GRID1: variants seen among roughly 807,000 people sequenced by gnomAD.
GRID1 encodes the protein glutamate receptor ionotropic, delta-1.
A neutral mutation model predicts 98.0 loss-of-function variants in GRID1; 28 were observed. That is an observed-to-expected ratio of 0.29 (90% CI 0.21 to 0.39). GRID1 has a LOEUF of 0.39. Among genes scored for constraint, GRID1 ranks in the 10% least tolerant of loss-of-function variants. The pLI is 1.00. For synonymous variants in GRID1, 553 were observed against 538.5 expected, an observed-to-expected ratio of 1.03 and a Z score of -0.37; for missense variants, 1,111 against 1,340.5, an observed-to-expected ratio of 0.83 and a Z score of 2.67.
intron 12 of GRID1, among the ~76,000 whole-genome samples, chr10:85,681,783 C>T (rs1003748418): frequency 2.6e-5 from 4 of 152,094 alleles, no homozygotes; most frequent in African/African-American, 9.7e-5. Flanking sequence ...GCAAGCTGCC[C>T]GATGGAGGGT....
chr10:86,127,275 G>A (rs1191899444), intron 4 of GRID1, among the ~76,000 whole-genome samples: 1 of 152,182 alleles, frequency 6.6e-6, no homozygotes, highest in Non-Finnish European at 1.5e-5. Context: ...AAGAGGTCCA[G>A]GGATGGAGCC....
intron 4 of GRID1, among the ~76,000 whole-genome samples, chr10:85,943,078 A>G (rs1437195547): frequency 6.6e-6 from 1 of 152,202 alleles, no homozygotes; most frequent in East Asian, 1.9e-4. Flanking sequence ...CAATTTTTCA[A>G]TATTTAATGC....
rs1464074675 is a variant in GRID1, at chr10:86,206,832, C to T, written c.236-184G>A. ...TCATAAGCACAGCCTCACTGACATC[C>T]TTGGTGAAAATGCCAGCTATACATT... On this transcript the variant is annotated intron_variant, in intron 2 of 15. Transcript: ENST00000327946. This position sits in a 1 kb window ranked among gnomAD's most constrained non-coding sequence, Gnocchi z 4.1. Among the ~76,000 whole-genome samples the T allele has an allele frequency of 6.6e-6, 1 of 152,206 alleles. No individual in the cohort carries two copies. The highest frequency in any genetic ancestry group is 1.5e-5 in the Non-Finnish European group (1 of 68,030).
intron 4 of GRID1, among the ~76,000 whole-genome samples, chr10:85,993,403 G>A (rs1842705343): frequency 6.6e-6 from 1 of 152,246 alleles, no homozygotes; most frequent in African/African-American, 2.4e-5. Flanking sequence ...CACAGTGCAA[G>A]GGTCACTTGT....
intron 8 of GRID1, among the ~76,000 whole-genome samples, chr10:85,812,884 A>G (rs1039465307): frequency 2.0e-5 from 3 of 151,834 alleles, no homozygotes; most frequent in Admixed American, 1.3e-4. Flanking sequence ...ATATGTGTGT[A>G]TATATATATT....
intron 5 of GRID1, among the ~76,000 whole-genome samples, chr10:85,890,444 G>C (rs1841183918): frequency 6.6e-6 from 1 of 152,028 alleles, no homozygotes. Flanking sequence ...TTTAAAAAAA[G>C]AAAATGGGTT....
chr10:85,703,763 G>A (rs186143332), intron 12 of GRID1, among the ~76,000 whole-genome samples: 1 of 152,012 alleles, frequency 6.6e-6, no homozygotes, highest in Non-Finnish European at 1.5e-5. Flanking sequence ...AAGTGGACAT[G>A]AGAAAAATAA....
chr10:85,944,607 G>T (rs555086107), intron 4 of GRID1, among the ~76,000 whole-genome samples: 2 of 152,118 alleles, frequency 1.3e-5, no homozygotes, highest in African/African-American at 4.8e-5. Context: ...TGGCTGTATT[G>T]GGGGAGGAGG....
intron 14 of GRID1, among the ~76,000 whole-genome samples, chr10:85,616,050 A>G (rs1474194570): frequency 6.6e-6 from 1 of 152,200 alleles, no homozygotes; most frequent in South Asian, 2.1e-4. Flanking sequence ...AGAAGAGGGA[A>G]CACATACAGA....
intron 2 of GRID1, among the ~76,000 whole-genome samples, chr10:86,310,194 G>GC (rs2132087712): frequency 1.3e-5 from 2 of 152,192 alleles, no homozygotes; most frequent in East Asian, 3.9e-4. Flanking sequence ...TACCTTCCTG[G>GC]CCCCATCCCC....
At chr10:85,974,480 C>T (rs1397816158) in intron 4 of GRID1, among the ~76,000 whole-genome samples, 2 of 152,082 alleles carry the variant, frequency 1.3e-5, no homozygotes, top group African/African-American at 4.8e-5. Context: ...CTGCCATTGA[C>T]CTTTTGAATC....
intron 2 of GRID1, among the ~76,000 whole-genome samples, chr10:86,264,478 G>GC (rs1464686417): frequency 1.3e-5 from 2 of 152,242 alleles, no homozygotes; most frequent in African/African-American, 4.8e-5. Context: ...AAGCAGTTTT[G>GC]CCCAGCTCAG....
Position 85,599,802 on chromosome 10 carries a change from A to AAAAAAAATATATATATAT in GRID1, c.*2470_*2471insATATATATATATTTTTTT. On this transcript the variant is annotated 3_prime_UTR_variant, in exon 16 of 16. Coordinates refer to ENST00000327946, the MANE Select transcript of GRID1 (RefSeq NM_017551.3). ...GTAGAAAATTCTAAAAAAAAAAAAA[A>AAAAAAAATATATATATAT]ATATATATATATATATATAAACATG... 1.5e-5 allele frequency: 1 copy of AAAAAAAATATATATATAT among 64,984 alleles called. No individual in the cohort carries two copies. Among genetic ancestry groups the AAAAAAAATATATATATAT allele is most frequent in the African/African-American group, 9.3e-5 (1 of 10,732 alleles). 4.0% of individuals were successfully genotyped at this position (64,984 alleles called of 1,614,324 possible).
At chr10:85,612,561 G>A (rs1218358307) in intron 15 of GRID1, among the ~76,000 whole-genome samples, 3 of 151,992 alleles carry the variant, frequency 2.0e-5, no homozygotes. Context: ...TCTAAGCAGA[G>A]CTGTGGTTCT....
At chr10:85,852,456 G>A (rs926401448) in intron 8 of GRID1, among the ~76,000 whole-genome samples, 58 of 152,106 alleles carry the variant, frequency 3.8e-4, no homozygotes, top group African/African-American at 1.4e-3. Context: ...CCAGCCTGGC[G>A]CCAGGCACAG....
At chr10:86,330,312 C>T (rs1282036892) in intron 2 of GRID1, among the ~76,000 whole-genome samples, 1 of 152,174 alleles carries the variant, frequency 6.6e-6, no homozygotes, top group Non-Finnish European at 1.5e-5. Context: ...CCTCAAGCTC[C>T]TCAGGCAGGC....
intron 13 of GRID1, among the ~76,000 whole-genome samples, chr10:85,621,487 A>G (rs1842859537): frequency 6.6e-6 from 1 of 152,152 alleles, no homozygotes; most frequent in South Asian, 2.1e-4. Flanking sequence ...CTCATGGCCC[A>G]AGACAGCTTA....
intron 4 of GRID1, among the ~76,000 whole-genome samples, chr10:86,044,382 C>T (rs143503361): frequency 1.3e-5 from 2 of 152,336 alleles, no homozygotes; most frequent in East Asian, 3.9e-4. Flanking sequence ...GACTTTACCT[C>T]GGTTACATTT....
At chr10:85,970,765 G>C (rs1207251016) in intron 4 of GRID1, among the ~76,000 whole-genome samples, 2 of 151,972 alleles carry the variant, frequency 1.3e-5, no homozygotes, top group Non-Finnish European at 2.9e-5. Flanking sequence ...CTAAGACAAG[G>C]AACAAGACAA....
Sources: gnomAD v4.1 joint callset for allele counts (sites outside exome capture counted in the v4.1 genomes callset) on GRCh38, gnomAD v4.1.1 for gene constraint, Gnocchi (gnomAD v3.1) non-coding constraint, MANE v1.5 for transcripts, NCBI Gene and HGNC (gene_info 2026-07-23, HGNC 2026-07-21) for gene names.